The following KANK2 variants were observed in gnomAD, a reference collection of about 807,000 sequenced individuals.
KANK2 encodes KN motif and ankyrin repeat domain-containing protein 2.
Under a neutral mutation model 74.6 loss-of-function variants are expected in KANK2, and 41 were observed. The ratio of observed to expected loss-of-function variants is 0.55; its 90% CI spans 0.43 to 0.71. The LOEUF (loss-of-function observed/expected upper bound fraction) is 0.71, where lower values mean the gene tolerates loss of function less well. KANK2 is among the 30% of genes least tolerant of loss of function. KANK2 has a pLI of 0.00. For missense variants in KANK2, 1,148 were observed against 1,196.4 expected (o/e 0.96, Z 0.60); for synonymous variants, 537 against 519.0 (o/e 1.03, Z -0.47).
intron 2 of KANK2, 49 bp from the exon 3 acceptor site, chr19:11,194,639 G>C: frequency 1.4e-6 from 1 of 738,214 alleles, no homozygotes; most frequent in Non-Finnish European, 2.4e-6. Context: ...TGTAGGGGGA[G>C]GGGAGGAGAT....
chr19:11,180,853 AGGTG>A (rs2078493492), intron 4 of KANK2, among the ~76,000 whole-genome samples: 1 of 152,016 alleles, frequency 6.6e-6, no homozygotes, highest in African/African-American at 2.4e-5. Context: ...TGGGAGGCTG[AGGTG>A]GGTGGGTCAC....
intron 4 of KANK2, among the ~76,000 whole-genome samples, chr19:11,188,936 G>A (rs2078755628): frequency 6.6e-6 from 1 of 150,454 alleles, no homozygotes; most frequent in Non-Finnish European, 1.5e-5. Flanking sequence ...AGTGAGCGGA[G>A]ATAGCGCCAT....
chr19:11,189,309 C>A (rs1199405357), intron 4 of KANK2, among the ~76,000 whole-genome samples: 1 of 152,006 alleles, frequency 6.6e-6, no homozygotes, highest in African/African-American at 2.4e-5. Flanking sequence ...GCCATCAGGA[C>A]CCCCGATTTG....
Position 11,189,152 on chromosome 19 carries a change from C to T in KANK2, c.1249+3679G>A, listed in dbSNP as rs181498652. Among the ~76,000 whole-genome samples, 24 of 116,574 alleles carry T rather than the reference C, an allele frequency of 2.1e-4. No individual in the cohort carries two copies. In the East Asian group the frequency reaches 6.2e-3, roughly 30 times the overall value. 76.5% of individuals were successfully genotyped at this position (116,574 alleles called of 152,430 possible). A position where few individuals can be genotyped will look rare whatever the true frequency, so the allele number is the denominator to read the frequency against. ...TCTTGCTCAGGCTGGAGTACAGTGG[C>T]GTGGTCACAACTCACTGTAGCCTCG... On this transcript the variant is annotated intron_variant, in intron 4 of 12. Transcript: ENST00000586659.
chr19:11,190,230 G>A (rs987232787), intron 4 of KANK2, among the ~76,000 whole-genome samples: 1 of 152,084 alleles, frequency 6.6e-6, no homozygotes, highest in East Asian at 1.9e-4. Context: ...CGCCTCCTAG[G>A]TTCAAGCAAT....
intron 4 of KANK2, among the ~76,000 whole-genome samples, chr19:11,186,179 A>G (rs77377417): frequency 0.066 from 10,026 of 151,372 alleles, 381 homozygotes; most frequent in Admixed American, 0.091. Flanking sequence ...CCTAAGGATG[A>G]GAGTTTGAGA....
rs1356078352 is a variant in KANK2, at chr19:11,164,847, C to G, written c.*1711G>C. 1 of 152,108 alleles carries G rather than the reference C, an allele frequency of 6.6e-6. No homozygotes were observed. Among genetic ancestry groups the G allele is most frequent in the African/African-American group, 2.4e-5 (1 of 41,426 alleles). 9.4% of individuals were successfully genotyped at this position (152,108 alleles called of 1,614,324 possible). ...TCAAAGCAAGCCAGTCTACATCAAGCCAAGAAACCTACTTTTCTAAGGAGA... is the reference window on the plus strand; with the variant it reads ...TCAAAGCAAGCCAGTCTACATCAAGGCAAGAAACCTACTTTTCTAAGGAGA... On this transcript the variant is annotated 3_prime_UTR_variant, in exon 13 of 13. Transcript: ENST00000586659.
Position 11,170,995 on chromosome 19 carries a change from T to A in KANK2, c.2212-747A>T, listed in dbSNP as rs978441740. Among the ~76,000 whole-genome samples, 2 of 152,168 alleles carry A rather than the reference T, an allele frequency of 1.3e-5. No individual in the cohort carries two copies. Among genetic ancestry groups the A allele is most frequent in the South Asian group, 2.1e-4 (1 of 4,830 alleles). On this transcript the variant is annotated intron_variant, in intron 10 of 12. Coordinates refer to ENST00000586659, the MANE Select transcript of KANK2 (RefSeq NM_001136191.3). The surrounding 1 kb of genome is among the most constrained non-coding windows in gnomAD (Gnocchi z 5.2). ...TGCCACTACGCCCAGCTAATTTTTG[T>A]ATTTTTAGTAGAGACAGAGTTTCAC... is the stretch of plus-strand genomic sequence containing the variant.
intron 4 of KANK2, among the ~76,000 whole-genome samples, chr19:11,186,634 G>C (rs2078684431): frequency 6.6e-6 from 1 of 152,152 alleles, no homozygotes; most frequent in African/African-American, 2.4e-5. Flanking sequence ...GGGAGGTGGA[G>C]GTTGCGGTGA....
At chr19:11,194,764 C>G (rs1214579269) in intron 2 of KANK2, 174 bp from the exon 3 acceptor site, 3 of 449,668 alleles carry the variant, frequency 6.7e-6, no homozygotes, top group East Asian at 8.6e-5. Flanking sequence ...CCCCTCCCCC[C>G]CGCAGGTCTG....
intron 4 of KANK2, among the ~76,000 whole-genome samples, chr19:11,186,747 T>C (rs1487675267): frequency 6.6e-6 from 1 of 151,862 alleles, no homozygotes; most frequent in African/African-American, 2.4e-5. Context: ...CATATGTTGG[T>C]GAGGATATGA....
intron 4 of KANK2, among the ~76,000 whole-genome samples, chr19:11,185,947 C>A (rs181274174): frequency 4.2e-4 from 64 of 152,304 alleles, no homozygotes; most frequent in African/African-American, 1.5e-3. Context: ...GGAGGGATCA[C>A]TTGAGCCCGA....
intron 4 of KANK2, among the ~76,000 whole-genome samples, chr19:11,185,702 A>G (rs923803852): frequency 1.3e-5 from 2 of 150,144 alleles, no homozygotes; most frequent in Admixed American, 1.3e-4. Flanking sequence ...TTAGGCATAC[A>G]CAGAGAAGCC....
chr19:11,179,317 CA>C (rs34690548), intron 4 of KANK2, among the ~76,000 whole-genome samples: 367 of 97,138 alleles, frequency 3.8e-3, no homozygotes, highest in Admixed American at 5.0e-3. Context: ...CCCTGCCTCT[CA>C]AAAAAAAAAA....
At chr19:11,182,265 C>A (rs12971719) in intron 4 of KANK2, among the ~76,000 whole-genome samples, 5 of 151,576 alleles carry the variant, frequency 3.3e-5, no homozygotes, top group Non-Finnish European at 5.9e-5. Flanking sequence ...TTGTAAATGG[C>A]GAAAAAATTT....
Position 11,164,967 on chromosome 19 carries a change from T to C in KANK2, c.*1591A>G, listed in dbSNP as rs1016062342. ...TTAAAGCCTTGGAGGCTGAGCTCAC[T>C]GGCCTCGAAAGGGCAGCGCGCGTAT... On this transcript the variant is annotated 3_prime_UTR_variant, in exon 13 of 13. Transcript: ENST00000586659. 3 of 152,150 alleles carry C rather than the reference T, an allele frequency of 2.0e-5. No homozygotes were observed. Among genetic ancestry groups the C allele is most frequent in the African/African-American group, 7.2e-5 (3 of 41,434 alleles). The allele number at this position is 152,150 out of a possible 1,614,324, so 9.4% of individuals were successfully genotyped here.
rs1242131497 is a variant in KANK2 at position 11,193,646 on chromosome 19, A to G, written c.434T>C (p.Leu145Pro). 6.3e-7 allele frequency: 1 copy of G among 1,598,708 alleles called. No homozygotes were observed. The highest frequency in any genetic ancestry group is 2.2e-5 in the East Asian group (1 of 44,658). Residue 145 changes from leucine (L) to proline (P), a missense_variant, in exon 4 of 13, where the codon CTG (leucine) becomes CCG (proline). Physicochemically the swap from Leu to Pro is moderately conservative, Grantham distance 98 (BLOSUM62 -3). Coordinates refer to ENST00000586659, the MANE Select transcript of KANK2 (RefSeq NM_001136191.3). This position sits in a 1 kb window ranked among gnomAD's most constrained non-coding sequence, Gnocchi z 9.6. The part of the protein sequence containing the change: ...LEDQAATPTG[L>P]GSLTPSAAGS... ...GGCCGCACTGGGGGTCAGGGAGCCC[A>G]GGCCGGTGGGTGTGGCCGCCTGGTC...
intron 4 of KANK2, among the ~76,000 whole-genome samples, chr19:11,188,008 A>G (rs887964912): frequency 1.3e-5 from 2 of 152,190 alleles, no homozygotes. Context: ...GCAGAGTTGA[A>G]TCAATGCAAT....
rs978522043 is a variant in KANK2, at chr19:11,192,921, T to C, written c.1159A>G (p.Thr387Ala). Reference protein sequence around the residue: ...PVFRSQEVVETMCPVPAAATS... With the variant: ...PVFRSQEVVEAMCPVPAAATS... ...GCTGCAGCGGGCACTGGGCACATTG[T>C]CTCCACCACCTCCTGGCTGCGGAAC... is the stretch of plus-strand genomic sequence containing the variant. Residue 387 changes from threonine (T) to alanine (A), a missense_variant, in exon 4 of 13, where the codon ACA (threonine) becomes GCA (alanine). Thr to Ala is a moderately conservative substitution (Grantham distance 58). Coordinates refer to ENST00000586659, the MANE Select transcript of KANK2 (RefSeq NM_001136191.3). The C allele has an allele frequency of 1.2e-6, 2 of 1,613,998 alleles. No homozygotes were observed. The highest frequency in any genetic ancestry group is 1.7e-6 in the Non-Finnish European group (2 of 1,179,998).
Sources: gnomAD v4.1 joint callset for allele counts (sites outside exome capture counted in the v4.1 genomes callset) on GRCh38, gnomAD v4.1.1 for gene constraint, Gnocchi (gnomAD v3.1) non-coding constraint, MANE v1.5 for transcripts, NCBI Gene and HGNC (gene_info 2026-07-23, HGNC 2026-07-21) for gene names.